CHST11: variants seen among roughly 807,000 people sequenced by gnomAD.
The protein encoded by CHST11 is C4S-1.
In CHST11, 9 loss-of-function variants were observed where a neutral mutation model predicts 30.4. That is an observed-to-expected ratio of 0.30 (90% CI 0.18 to 0.52). The LOEUF is 0.52. CHST11 is among the 20% of genes least tolerant of loss of function. The pLI is 0.97. For missense variants in CHST11, 348 were observed against 460.6 expected, an observed-to-expected ratio of 0.76 and a Z score of 2.24; for synonymous variants, 152 against 187.8, an observed-to-expected ratio of 0.81 and a Z score of 1.56.
intron 1 of CHST11, among the ~76,000 whole-genome samples, chr12:104,475,658 T>TTTTTTATA (rs770441229): frequency 8.8e-5 from 3 of 34,172 alleles, no homozygotes; most frequent in East Asian, 9.8e-4. Flanking sequence ...TAAAGCAGCA[T>TTTTTTATA]TATATATATA....
chr12:104,510,436 AC>A (rs2037953237), intron 1 of CHST11, among the ~76,000 whole-genome samples: 1 of 152,168 alleles, frequency 6.6e-6, no homozygotes, highest in South Asian at 2.1e-4. Flanking sequence ...TGTTCTTAGA[AC>A]CCAGTTCATT....
intron 1 of CHST11, among the ~76,000 whole-genome samples, chr12:104,503,993 G>C (rs2037877657): frequency 6.6e-6 from 1 of 152,228 alleles, no homozygotes; most frequent in Admixed American, 6.5e-5. Context: ...GGTGAAATGA[G>C]ATGTAAAATG....
chr12:104,636,653 G>C (rs1049614296), intron 2 of CHST11, among the ~76,000 whole-genome samples: 2 of 152,178 alleles, frequency 1.3e-5, no homozygotes, highest in African/African-American at 4.8e-5. Flanking sequence ...CTTTGCAGCT[G>C]TGTGACCTTG....
chr12:104,638,312 ATGTGTG>A (rs3039210), intron 2 of CHST11, among the ~76,000 whole-genome samples: 2 of 150,958 alleles, frequency 1.3e-5, no homozygotes, highest in African/African-American at 2.4e-5. Context: ...GTGTGAACAG[ATGTGTG>A]TGTGTGTGTG....
At chr12:104,739,289 G>A (rs1011632318) in intron 2 of CHST11, among the ~76,000 whole-genome samples, 3 of 152,198 alleles carry the variant, frequency 2.0e-5, no homozygotes, top group Admixed American at 6.5e-5. Flanking sequence ...AGCAGCTTAG[G>A]GCAAAATTCT....
At chr12:104,575,081 T>G (rs757519112) in intron 1 of CHST11, among the ~76,000 whole-genome samples, 10 of 151,832 alleles carry the variant, frequency 6.6e-5, no homozygotes, top group Non-Finnish European at 1.2e-4. Context: ...CAATTCCAGC[T>G]ACTCAGGAGG....
intron 1 of CHST11, among the ~76,000 whole-genome samples, chr12:104,551,781 C>T (rs961176330): frequency 1.3e-5 from 2 of 151,962 alleles, no homozygotes; most frequent in Admixed American, 6.6e-5. Flanking sequence ...GGAAGTGGTG[C>T]GAGGTGGAAG....
intron 2 of CHST11, among the ~76,000 whole-genome samples, chr12:104,732,162 T>C: frequency 6.6e-6 from 1 of 152,258 alleles, no homozygotes; most frequent in East Asian, 1.9e-4. Context: ...TGGCAGGTTA[T>C]GGCCATGCCC....
At chr12:104,658,363 T>C (rs1566026081) in intron 2 of CHST11, among the ~76,000 whole-genome samples, 1 of 152,162 alleles carries the variant, frequency 6.6e-6, no homozygotes, top group Non-Finnish European at 1.5e-5. Context: ...CACACAGCAG[T>C]CTCCTTGTGT....
chr12:104,574,877 A>G (rs1162690450), intron 1 of CHST11, among the ~76,000 whole-genome samples: 2 of 148,762 alleles, frequency 1.3e-5, no homozygotes, highest in African/African-American at 2.5e-5. Context: ...AGAAAAAAAG[A>G]AAGAAAAAGG....
intron 2 of CHST11, among the ~76,000 whole-genome samples, chr12:104,618,938 A>G (rs2039134494): frequency 2.0e-5 from 3 of 152,158 alleles, no homozygotes; most frequent in African/African-American, 7.2e-5. Flanking sequence ...TTGATTCTTA[A>G]TTTACTGGTC....
intron 2 of CHST11, among the ~76,000 whole-genome samples, chr12:104,734,556 G>A (rs1233803475): frequency 6.6e-6 from 1 of 152,114 alleles, no homozygotes; most frequent in African/African-American, 2.4e-5. Flanking sequence ...TTCTGAATAC[G>A]GTCACAGGTG....
At position 104,458,031 on chromosome 12, in the gene CHST11, C is replaced by T. The variant is rs988819934; in HGVS notation, c.118+502C>T. Among the ~76,000 whole-genome samples the T allele has an allele frequency of 1.3e-4, 19 of 151,666 alleles. No individual in the cohort carries two copies. Among genetic ancestry groups the T allele is most frequent in the African/African-American group, 4.3e-4 (18 of 41,402 alleles). ...CGGGCCGGGGGCGAAGGGTGTACGC[C>T]CCGGCGAGGTTGCGAGTCCCTGCAG... On this transcript the variant is annotated intron_variant, in intron 1 of 2. Transcript: ENST00000303694. The surrounding 1 kb of genome is among the most constrained non-coding windows in gnomAD (Gnocchi z 5.7).
chr12:104,653,163 C>T (rs1459262000), intron 2 of CHST11, among the ~76,000 whole-genome samples: 1 of 152,164 alleles, frequency 6.6e-6, no homozygotes, highest in Non-Finnish European at 1.5e-5. Context: ...TCCTGCCCGC[C>T]AGCCTCTCGT....
chr12:104,524,506 T>C lies in CHST11; in HGVS notation c.118+66977T>C, dbSNP rs540409059. Among the ~76,000 whole-genome samples, 66 of 152,308 alleles carry C rather than the reference T, an allele frequency of 4.3e-4. 1 individual carries two copies. In the South Asian group the frequency reaches 0.013, roughly 31 times the overall value. On this transcript the variant is annotated intron_variant, in intron 1 of 2. Transcript: ENST00000303694. Reference sequence around the variant, plus strand: ...GACAGAGAATTTCAGTATTTAACCATTGGTATAAGCATCCTTCCATCCATC... The same window carrying C: ...GACAGAGAATTTCAGTATTTAACCACTGGTATAAGCATCCTTCCATCCATC...
chr12:104,614,052 C>T (rs1265535575), intron 2 of CHST11, among the ~76,000 whole-genome samples: 1 of 152,174 alleles, frequency 6.6e-6, no homozygotes, highest in African/African-American at 2.4e-5. Context: ...GTTCTGACTA[C>T]ACGAAAAATG....
intron 2 of CHST11, among the ~76,000 whole-genome samples, chr12:104,703,213 G>A (rs370400030): frequency 3.3e-5 from 5 of 152,224 alleles, no homozygotes; most frequent in African/African-American, 9.7e-5. Flanking sequence ...CTAGGTGAAT[G>A]CATTCATAAT....
chr12:104,614,880 A>G (rs1055022992), intron 2 of CHST11, among the ~76,000 whole-genome samples: 16 of 152,218 alleles, frequency 1.1e-4, no homozygotes, highest in African/African-American at 3.9e-4. Context: ...GAGGGGCTGA[A>G]GCTTTGTCCC....
chr12:104,477,986 A>G (rs76401508), intron 1 of CHST11, among the ~76,000 whole-genome samples: 5,766 of 152,224 alleles, frequency 0.038, 263 homozygotes, highest in East Asian at 0.16. Flanking sequence ...TATGACTCTA[A>G]GAAGGGTGAT....
Sources: allele counts gnomAD v4.1 joint callset (sites outside exome capture counted in the v4.1 genomes callset), GRCh38; gene constraint gnomAD v4.1.1; non-coding constraint Gnocchi (gnomAD v3.1); transcripts MANE v1.5; gene names NCBI Gene and HGNC (gene_info 2026-07-23, HGNC 2026-07-21).